Variants in TECRL observed in about 807,000 individuals in gnomAD.
TECRL encodes trans-2,3-enoyl-CoA reductase-like.
In TECRL, 63 loss-of-function variants were observed where a neutral mutation model predicts 52.8. The ratio of observed to expected loss-of-function variants is 1.19; its 90% CI spans 0.97 to 1.47. The LOEUF (loss-of-function observed/expected upper bound fraction) is 1.47, where lower values mean the gene tolerates loss of function less well. Among genes scored for constraint, TECRL ranks in the 40% most tolerant of loss-of-function variants. The pLI is 0.00. For synonymous variants in TECRL, 164 were observed against 141.9 expected, an observed-to-expected ratio of 1.16 and a Z score of -1.10; for missense variants, 482 against 429.6, an observed-to-expected ratio of 1.12 and a Z score of -1.08.
intron 1 of TECRL, among the ~76,000 whole-genome samples, chr4:64,376,199 C>T (rs573015212): frequency 2.0e-5 from 3 of 151,914 alleles, no homozygotes; most frequent in Non-Finnish European, 3.0e-5. Flanking sequence ...TAACATATTT[C>T]GCCTTCTACT....
At chr4:64,351,760 C>T (rs1219989141) in intron 2 of TECRL, among the ~76,000 whole-genome samples, 1 of 152,080 alleles carries the variant, frequency 6.6e-6, no homozygotes, top group African/African-American at 2.4e-5. Context: ...ACATGACAAA[C>T]ATTTTTAATA....
chr4:64,409,124 C>G lies in TECRL; in HGVS notation c.228G>C (p.Leu76=), dbSNP rs745376835. Reference sequence around the variant, plus strand: ...AATAAATAAATAAACTCACCTTATCCAGAATACATATCTGTTTCCTTGTTT... The same window carrying G: ...AATAAATAAATAAACTCACCTTATCGAGAATACATATCTGTTTCCTTGTTT... ...DAQTRKQICI[L]DKVTQSSTIH... The change falls in exon 1 of 12, where the codon CTG becomes CTC. Residue 76 remains leucine, a synonymous_variant. Coordinates refer to ENST00000381210, the MANE Select transcript of TECRL (RefSeq NM_001010874.5). 3.1e-6 allele frequency: 5 copies of G among 1,605,862 alleles called. No individual in the cohort carries two copies. In the Admixed American group the frequency reaches 8.4e-5, roughly 27 times the overall value.
intron 4 of TECRL, 88 bp downstream of exon 4, chr4:64,322,591 TTGTTTCGCTA>T: frequency 7.8e-6 from 6 of 769,256 alleles, no homozygotes; most frequent in Non-Finnish European, 1.1e-5. Context: ...TCACTACATT[TTGTTTCGCTA>T]TGAGTTTATT....
chr4:64,396,343 A>C (rs765904735), intron 1 of TECRL, among the ~76,000 whole-genome samples: 1 of 151,966 alleles, frequency 6.6e-6, no homozygotes, highest in Non-Finnish European at 1.5e-5. Context: ...CTAATTTTTG[A>C]CTTTAATAGT....
Position 64,321,267 on chromosome 4 carries a change from A to G in TECRL, c.435+1422T>C, listed in dbSNP as rs1447935272. ...ATAAATTTAAAATTAAATTTGTGTT[A>G]GATTAAAATTAACAAATATTAATGT... On this transcript the variant is annotated intron_variant, in intron 4 of 11. Transcript: ENST00000381210. 1.1e-4 allele frequency among the ~76,000 whole-genome samples: 16 copies of G among 152,162 alleles called. No homozygotes were observed. The East Asian group carries it at 3.1e-3, about 29-fold the overall frequency.
At position 64,340,379 on chromosome 4, in the gene TECRL, C is replaced by A. The variant is rs536844173; in HGVS notation, c.287-11823G>T. ...AACTCTCAGAGGTCTAGGGAGGCCC[C>A]GCTGCCTTCACAGGGTTGAAAGTGT... On this transcript the variant is annotated intron_variant, in intron 2 of 11. Coordinates refer to ENST00000381210, the MANE Select transcript of TECRL (RefSeq NM_001010874.5). 5.4e-4 allele frequency among the ~76,000 whole-genome samples: 82 copies of A among 152,204 alleles called. 1 individual carries two copies. The highest frequency in any genetic ancestry group is 9.3e-4 in the Non-Finnish European group (63 of 68,034).
At chr4:64,406,837 A>G (rs1404855536) in intron 1 of TECRL, among the ~76,000 whole-genome samples, 1 of 152,022 alleles carries the variant, frequency 6.6e-6, no homozygotes, top group African/African-American at 2.4e-5. Flanking sequence ...GCACTAAGTT[A>G]TAAGCAACAT....
At chr4:64,286,661 C>G (rs912460388) in intron 9 of TECRL, among the ~76,000 whole-genome samples, 1 of 151,920 alleles carries the variant, frequency 6.6e-6, no homozygotes, top group Non-Finnish European at 1.5e-5. Context: ...AAGTCACCTG[C>G]ACATCGAAGC....
intron 2 of TECRL, among the ~76,000 whole-genome samples, chr4:64,342,256 T>C (rs78374270): frequency 6.6e-6 from 1 of 152,194 alleles, no homozygotes; most frequent in Non-Finnish European, 1.5e-5. Flanking sequence ...ACATTTCTCA[T>C]TACTGTTGTG....
chr4:64,328,678 C>G (rs373296111), intron 2 of TECRL, 122 bp from the exon 3 acceptor site: 85 of 762,162 alleles, frequency 1.1e-4, no homozygotes, highest in East Asian at 4.6e-4. Context: ...TATCTAGTGT[C>G]AGAAATAGAA....
At chr4:64,301,501 A>G (rs748828894) in intron 7 of TECRL, among the ~76,000 whole-genome samples, 9 of 151,320 alleles carry the variant, frequency 5.9e-5, no homozygotes, top group Middle Eastern at 3.4e-3. Context: ...CTTGTGAGAA[A>G]GTACACACAA....
intron 1 of TECRL, among the ~76,000 whole-genome samples, chr4:64,401,937 G>T (rs1318668334): frequency 6.6e-6 from 1 of 151,902 alleles, no homozygotes; most frequent in Non-Finnish European, 1.5e-5. Flanking sequence ...CATCTTCTCA[G>T]ATTTACCATT....
At chr4:64,322,915 A>T in intron 3 of TECRL, 123 bp from the exon 4 acceptor site, 1 of 712,418 alleles carries the variant, frequency 1.4e-6, no homozygotes, top group Non-Finnish European at 2.2e-6. Flanking sequence ...TACAATGTAC[A>T]AGAAATCTTC....
Position 64,334,046 on chromosome 4 carries a change from A to AAAAAAAAAAAAAAAAAAAG in TECRL, c.287-5491_287-5490insCTTTTTTTTTTTTTTTTTT, listed in dbSNP as rs1257935404. ...ACTCCGTCTCAAAAAAAAAAAAAAAAAAAGAAAAAGAGAGAATGTCCTGTG... is the reference window on the plus strand; with the variant it reads ...ACTCCGTCTCAAAAAAAAAAAAAAAAAAAAAAAAAAAAAAAAAAGAAAGAAAAAGAGAGAATGTCCTGTG... On this transcript the variant is annotated intron_variant, in intron 2 of 11. Transcript: ENST00000381210. Among the ~76,000 whole-genome samples the AAAAAAAAAAAAAAAAAAAG allele has an allele frequency of 1.7e-5, 2 of 119,962 alleles. 1 individual carries two copies. Among genetic ancestry groups the AAAAAAAAAAAAAAAAAAAG allele is most frequent in the Non-Finnish European group, 3.4e-5 (2 of 58,068 alleles). 78.7% of individuals were successfully genotyped at this position (119,962 alleles called of 152,430 possible). A position where few individuals can be genotyped will look rare whatever the true frequency, so the allele number is the denominator to read the frequency against.
chr4:64,372,487 A>G (rs571600102), intron 2 of TECRL, among the ~76,000 whole-genome samples: 4 of 151,958 alleles, frequency 2.6e-5, no homozygotes, highest in Admixed American at 2.6e-4. Context: ...GCATTACTAG[A>G]GTAAACTAAG....
chr4:64,340,126 T>G (rs1719447627), intron 2 of TECRL, among the ~76,000 whole-genome samples: 1 of 152,086 alleles, frequency 6.6e-6, no homozygotes, highest in Non-Finnish European at 1.5e-5. Flanking sequence ...CCAGCTGCAG[T>G]AGGGAGGTGA....
chr4:64,322,635 A>T (rs540640369), intron 4 of TECRL, 54 bp downstream of exon 4: 6 of 1,285,130 alleles, frequency 4.7e-6, no homozygotes, highest in Non-Finnish European at 6.5e-6. Flanking sequence ...CTGTCAATAA[A>T]TTATTTAGAG....
At chr4:64,294,162 T>G (rs992683854) in intron 8 of TECRL, among the ~76,000 whole-genome samples, 1 of 151,710 alleles carries the variant, frequency 6.6e-6, no homozygotes, top group East Asian at 1.9e-4. Flanking sequence ...AATTTTTGTA[T>G]TTTTAGTAGA....
intron 2 of TECRL, among the ~76,000 whole-genome samples, chr4:64,345,092 C>G (rs2109545695): frequency 6.6e-6 from 1 of 152,280 alleles, no homozygotes; most frequent in African/African-American, 2.4e-5. Context: ...AATAGGAACA[C>G]TTTTACACTG....
Sources: allele counts gnomAD v4.1 joint callset (sites outside exome capture counted in the v4.1 genomes callset), GRCh38; gene constraint gnomAD v4.1.1; transcripts MANE v1.5; gene names NCBI Gene and HGNC (gene_info 2026-07-23, HGNC 2026-07-21).